The following FAAH variants were observed in gnomAD, a reference collection of about 807,000 sequenced individuals.
FAAH encodes the protein fatty-acid amide hydrolase 1.
A neutral mutation model predicts 69.7 loss-of-function variants in FAAH; 63 were observed. That is an observed-to-expected ratio of 0.90 (90% CI 0.74 to 1.12). FAAH has a LOEUF of 1.12. FAAH is among the 50% of genes most tolerant of loss of function. FAAH has a pLI of 0.00. For synonymous variants in FAAH, 305 were observed against 324.2 expected (o/e 0.94, Z 0.64); for missense variants, 680 against 755.0 (o/e 0.90, Z 1.16).
chr1:46,398,856 A>T (rs7528704), intron 1 of FAAH, among the ~76,000 whole-genome samples: 1 of 152,272 alleles, frequency 6.6e-6, no homozygotes, highest in Admixed American at 6.5e-5. Context: ...TCCAAGGAGG[A>T]CACAGCTGGA....
At chr1:46,399,104 G>A (rs1381106098) in intron 1 of FAAH, among the ~76,000 whole-genome samples, 3 of 152,112 alleles carry the variant, frequency 2.0e-5, no homozygotes, top group African/African-American at 7.2e-5. Flanking sequence ...ATGCCCTTAT[G>A]CCTTTGTACA....
chr1:46,395,793 C>A (rs1032395391), intron 1 of FAAH, among the ~76,000 whole-genome samples: 2 of 152,204 alleles, frequency 1.3e-5, no homozygotes, highest in Admixed American at 6.5e-5. Context: ...GCCACACTTT[C>A]GTGGAGAGGA....
intron 7 of FAAH, among the ~76,000 whole-genome samples, chr1:46,406,993 A>G (rs1201122577): frequency 6.6e-6 from 1 of 152,046 alleles, no homozygotes; most frequent in Non-Finnish European, 1.5e-5. Context: ...ACCTTCAGCA[A>G]ACAGCAGCCT....
At chr1:46,402,056 C>G in intron 1 of FAAH, 35 bp from the exon 2 acceptor site, 1 of 1,545,150 alleles carries the variant, frequency 6.5e-7, no homozygotes. Flanking sequence ...GAGACTTCGG[C>G]GAGTAGGGGA....
intron 13 of FAAH, 117 bp from the exon 14 acceptor site, chr1:46,412,958 G>A (rs1664943144): frequency 2.3e-6 from 3 of 1,280,282 alleles, no homozygotes; most frequent in Admixed American, 1.9e-5. Flanking sequence ...AGTCCTGGGA[G>A]AGAGCCTTTC....
In FAAH at chr1:46,405,019, G is replaced by A. The variant is rs775608880; in HGVS notation, c.315G>A (p.Trp105Ter). ...AVLFTYVGKA[W>*]EVNKGTNCVT... is the part of the protein sequence containing the mutation. The stretch of plus-strand genomic sequence containing the variant: ...GTCTACTTCCCCTTCCTCAGGCCTG[G>A]GAAGTGAACAAAGGGACCAACTGTG... The change falls in exon 3 of 15, where the codon TGG becomes TGA. Residue 105 changes from tryptophan (W) to a stop codon, truncating the protein, a stop_gained. Transcript: ENST00000243167. LOFTEE classifies it high-confidence loss of function. This position sits in a 1 kb window ranked among gnomAD's most constrained non-coding sequence, Gnocchi z 4.1. 1 of 1,614,050 alleles carries A rather than the reference G, an allele frequency of 6.2e-7. No homozygotes were observed.
At position 46,405,200 on chromosome 1, in the gene FAAH, C is replaced by A; in HGVS notation, c.444+52C>A. The stretch of plus-strand genomic sequence containing the variant: ...CCATCGTCCCCTCCATCCCTGCCAG[C>A]CTGCTCTGCATCTTGGGTCATTTTG... On this transcript the variant is annotated intron_variant, in intron 3 of 14. Coordinates refer to ENST00000243167, the MANE Select transcript of FAAH (RefSeq NM_001441.3). The surrounding 1 kb of genome is among the most constrained non-coding windows in gnomAD (Gnocchi z 4.1). The A allele has an allele frequency of 6.2e-7, 1 of 1,613,344 alleles. No individual in the cohort carries two copies. The highest frequency in any genetic ancestry group is 8.5e-7 in the Non-Finnish European group (1 of 1,180,032).
Position 46,405,387 on chromosome 1 carries a change from C to G in FAAH, c.460C>G (p.Leu154Val), listed in dbSNP as rs1664772772. 6.2e-7 allele frequency: 1 copy of G among 1,611,746 alleles called. No individual in the cohort carries two copies. The highest frequency in any genetic ancestry group is 2.2e-5 in the East Asian group (1 of 44,888). The change falls in exon 4 of 15, where the codon CTG becomes GTG. Residue 154 changes from leucine to valine, a missense_variant. Transcript: ENST00000243167. The surrounding 1 kb of genome is among the most constrained non-coding windows in gnomAD (Gnocchi z 4.1). ...CFTYKGQDST[L>V]GLSLNEGVPA... ...CTCCTCCCAGGGCCAGGACTCCACG[C>G]TGGGCTTGAGCCTGAATGAAGGGGT...
rs527478594 is a variant in FAAH, at chr1:46,406,555, C to CT, written c.951+200dup. On this transcript the variant is annotated intron_variant, in intron 7 of 14. Transcript: ENST00000243167. ...TTGCCTGCATTTGGAAATCCTCAGGCTTTTTTTTTTTTTCCTTTTCTTTCT... is the reference window on the plus strand; with the variant it reads ...TTGCCTGCATTTGGAAATCCTCAGGCTTTTTTTTTTTTTTCCTTTTCTTTCT... Among the ~76,000 whole-genome samples, 853 of 136,078 alleles carry CT rather than the reference C, an allele frequency of 6.3e-3. 8 individuals are homozygous for CT. The highest frequency in any genetic ancestry group is 0.013 in the African/African-American group (497 of 37,114). 89.3% of individuals were successfully genotyped at this position (136,078 alleles called of 152,430 possible). A position where few individuals can be genotyped will look rare whatever the true frequency, so the allele number is the denominator to read the frequency against.
intron 1 of FAAH, 29 bp from the exon 2 acceptor site, chr1:46,402,062 G>T (rs1459895400): frequency 6.4e-7 from 1 of 1,565,950 alleles, no homozygotes; most frequent in Non-Finnish European, 8.7e-7. Flanking sequence ...TCGGCGAGTA[G>T]GGGACTGATC....
At chr1:46,397,602 C>T (rs962792831) in intron 1 of FAAH, among the ~76,000 whole-genome samples, 2 of 152,144 alleles carry the variant, frequency 1.3e-5, no homozygotes, top group Admixed American at 1.3e-4. Flanking sequence ...TGCTCTGTCG[C>T]CCAGGCTGGA....
In FAAH at chr1:46,410,701, TG is replaced by T. The variant is rs1478434757; in HGVS notation, c.1276-110del. On this transcript the variant is annotated intron_variant, in intron 10 of 14. Transcript: ENST00000243167. The surrounding 1 kb of genome is among the most constrained non-coding windows in gnomAD (Gnocchi z 4.9). ...CCGCATGCTGAAAGGGGTGCCGACC[TG>T]GGCCCTGGGGGGAGGCATGGAGGGA... The T allele has an allele frequency of 4.4e-6, 6 of 1,373,120 alleles. No homozygotes were observed. Among genetic ancestry groups the T allele is most frequent in the Non-Finnish European group, 6.2e-6 (6 of 961,046 alleles). 85.1% of individuals were successfully genotyped at this position (1,373,120 alleles called of 1,614,324 possible).
intron 1 of FAAH, among the ~76,000 whole-genome samples, chr1:46,400,623 G>A (rs1664680943): frequency 6.6e-6 from 1 of 150,698 alleles, no homozygotes; most frequent in Non-Finnish European, 1.5e-5. Flanking sequence ...GGATACATAA[G>A]GAGGAGCTGG....
Position 46,402,195 on chromosome 1 carries a change from T to A in FAAH, c.300T>A (p.Tyr100Ter). 9.4e-6 allele frequency: 15 copies of A among 1,602,460 alleles called. No individual in the cohort carries two copies. Among genetic ancestry groups the A allele is most frequent in the Non-Finnish European group, 1.3e-5 (15 of 1,174,404 alleles). ...CCCCTGAGGCCGTGCTCTTCACCTA[T>A]GTGGGAAAGGTAAGGCCAGCCAAGG... ...ELAPEAVLFT[Y>*]VGKAWEVNKG... The change falls in exon 2 of 15, where the codon TAT becomes TAA. Residue 100 changes from tyrosine to a stop codon, truncating the protein, a stop_gained. Coordinates refer to ENST00000243167, the MANE Select transcript of FAAH (RefSeq NM_001441.3). LOFTEE classifies it high-confidence loss of function.
chr1:46,405,586 A>C lies in FAAH; in HGVS notation c.579-2A>C. The C allele has an allele frequency of 6.2e-7, 1 of 1,613,404 alleles. No individual in the cohort carries two copies. Among genetic ancestry groups the C allele is most frequent in the Non-Finnish European group, 8.5e-7 (1 of 1,180,028 alleles). On this transcript the variant is annotated splice_acceptor_variant, in intron 4 of 14. Transcript: ENST00000243167. LOFTEE classifies it high-confidence loss of function. This position sits in a 1 kb window ranked among gnomAD's most constrained non-coding sequence, Gnocchi z 4.1. The stretch of plus-strand genomic sequence containing the variant: ...GGGCTGACCCATTCTTGGCTCCTCC[A>C]GCTATGACTGCAGTAACCCCCTCTT...
chr1:46,400,057 G>GA (rs1050313133), intron 1 of FAAH, among the ~76,000 whole-genome samples: 2 of 151,510 alleles, frequency 1.3e-5, no homozygotes, highest in South Asian at 2.1e-4. Flanking sequence ...CCTTGTGTTA[G>GA]AAAAAAAATC....
At chr1:46,396,977 A>G (rs1334450365) in intron 1 of FAAH, among the ~76,000 whole-genome samples, 1 of 152,256 alleles carries the variant, frequency 6.6e-6, no homozygotes, top group Non-Finnish European at 1.5e-5. Flanking sequence ...GCTGGCTGAA[A>G]AGTCCACCAT....
rs546566431 is a variant in FAAH at position 46,403,223 on chromosome 1, C to T, written c.309+1019C>T. 9.9e-5 allele frequency among the ~76,000 whole-genome samples: 15 copies of T among 151,846 alleles called. No individual in the cohort carries two copies. The East Asian group carries it at 1.2e-3, about 12-fold the overall frequency. ...TTGGCTCACTACAACCTCCACCTCC[C>T]GGGTTCAAGTGATTCTCATACCTCA... On this transcript the variant is annotated intron_variant, in intron 2 of 14. Transcript: ENST00000243167.
chr1:46,405,999 G>A lies in FAAH; in HGVS notation c.786-39G>A. On this transcript the variant is annotated intron_variant, in intron 5 of 14. Transcript: ENST00000243167. The surrounding 1 kb of genome is among the most constrained non-coding windows in gnomAD (Gnocchi z 4.1). ...GTGGGTGTGGGGATGGCGGCGGGTG[G>A]CCATTTCCTGTTTCCAGCATCTTAT... The A allele has an allele frequency of 6.2e-7, 1 of 1,613,944 alleles. No homozygotes were observed.
Sources: gnomAD v4.1 joint callset for allele counts (sites outside exome capture counted in the v4.1 genomes callset) on GRCh38, gnomAD v4.1.1 for gene constraint, Gnocchi (gnomAD v3.1) non-coding constraint, MANE v1.5 for transcripts, NCBI Gene and HGNC (gene_info 2026-07-23, HGNC 2026-07-21) for gene names.